Variants in SEMA4F observed in about 807,000 individuals in gnomAD.
SEMA4F encodes ssemaphorin 4F, also known as semaphorin-4F.
Under a neutral mutation model 78.4 loss-of-function variants are expected in SEMA4F, and 51 were observed. That is an observed-to-expected ratio of 0.65 (90% CI 0.52 to 0.82). The LOEUF is 0.82. Ranked by LOEUF, SEMA4F falls within the 40% of genes least tolerant of loss-of-function variation. The probability of loss-of-function intolerance (pLI) is 0.00; values close to 1 mark genes in which losing one functional copy is unlikely to be tolerated. For synonymous variants in SEMA4F, 418 were observed against 408.7 expected (o/e 1.02, Z -0.27); for missense variants, 938 against 1,014.4 (o/e 0.92, Z 1.02).
chr2:74,702,560 G>C, the SEMA4F span, among the ~76,000 whole-genome samples: 1 of 152,268 alleles, frequency 6.6e-6, no homozygotes, highest in Admixed American at 6.5e-5. Context: ...ATTAGGGCCT[G>C]AGGACTGCAA....
Position 74,675,650 on chromosome 2 carries a change from T to G in SEMA4F, c.1482+16T>G, listed in dbSNP as rs1685236349. ...ATTGTACCACGTGAGTTGTAGATTTTGGAGAGTCTATTGGGGAGACATCTG... is the reference window on the plus strand; with the variant it reads ...ATTGTACCACGTGAGTTGTAGATTTGGGAGAGTCTATTGGGGAGACATCTG... On this transcript the variant is annotated intron_variant, in intron 11 of 13. Transcript: ENST00000357877. 1 of 1,613,658 alleles carries G rather than the reference T, an allele frequency of 6.2e-7. No individual in the cohort carries two copies. The highest frequency in any genetic ancestry group is 1.3e-5 in the African/African-American group (1 of 75,032).
At chr2:74,662,935 A>G in intron 5 of SEMA4F, 110 bp downstream of exon 5, 3 of 995,428 alleles carry the variant, frequency 3.0e-6, no homozygotes, top group South Asian at 2.7e-5. Flanking sequence ...TATTATTCTC[A>G]TGTCTCTTTT....
chr2:74,677,048 C>A (rs1357930295), intron 12 of SEMA4F, among the ~76,000 whole-genome samples: 1 of 151,968 alleles, frequency 6.6e-6, no homozygotes, highest in African/African-American at 2.4e-5. Flanking sequence ...ATTACAGGTG[C>A]CCGCCACCAT....
chr2:74,656,711 C>G (rs762514124), intron 2 of SEMA4F, 26 bp downstream of exon 2: 25 of 1,611,640 alleles, frequency 1.6e-5, no homozygotes, highest in Non-Finnish European at 2.0e-5. Flanking sequence ...GGGAAGGACC[C>G]CTGACCCTGT....
At chr2:74,691,809 TG>T in the SEMA4F span, among the ~76,000 whole-genome samples, 1 of 152,234 alleles carries the variant, frequency 6.6e-6, no homozygotes, top group African/African-American at 2.4e-5. Context: ...GATAGGAAGC[TG>T]GTTCTGGATA....
downstream of SEMA4F, among the ~76,000 whole-genome samples, chr2:74,685,319 C>T (rs765730148): frequency 4.6e-5 from 7 of 152,068 alleles, no homozygotes; most frequent in Non-Finnish European, 7.4e-5. Flanking sequence ...CCCAGGATTG[C>T]AAGAAGGGCC....
rs74478364 is a variant in SEMA4F, at chr2:74,660,693, C to G, written c.457-2039C>G. ...ATTTTGACCATGCAATAATCATAAC[C>G]TATCTAGTTAATAGGAGGCTCACCT... On this transcript the variant is annotated intron_variant, in intron 4 of 13. Transcript: ENST00000357877. Among the ~76,000 whole-genome samples the G allele has an allele frequency of 8.1e-3, 1,230 of 152,332 alleles. 24 individuals are homozygous for G. The highest frequency in any genetic ancestry group is 0.028 in the African/African-American group (1,147 of 41,580).
At chr2:74,700,539 A>G in the SEMA4F span, among the ~76,000 whole-genome samples, 1 of 151,992 alleles carries the variant, frequency 6.6e-6, no homozygotes, top group African/African-American at 2.4e-5. Context: ...TGTTGTCCAA[A>G]CTCTTCTCTT....
the SEMA4F span, among the ~76,000 whole-genome samples, chr2:74,705,590 G>T: frequency 6.6e-6 from 1 of 152,200 alleles, no homozygotes; most frequent in Non-Finnish European, 1.5e-5. Context: ...TAGAAACAGG[G>T]TCTTGCTCTA....
the SEMA4F span, among the ~76,000 whole-genome samples, chr2:74,697,515 T>C: frequency 2.0e-5 from 3 of 152,278 alleles, no homozygotes; most frequent in Admixed American, 1.3e-4. Flanking sequence ...AGGGAAGAGA[T>C]AGCACCCTCT....
chr2:74,695,291 ATCC>A, the SEMA4F span, among the ~76,000 whole-genome samples: 1 of 152,108 alleles, frequency 6.6e-6, no homozygotes, highest in South Asian at 2.1e-4. Flanking sequence ...GAGCTCCTCT[ATCC>A]TCCTTGAACC....
At chr2:74,700,460 C>A in the SEMA4F span, among the ~76,000 whole-genome samples, 1 of 152,140 alleles carries the variant, frequency 6.6e-6, no homozygotes, top group Non-Finnish European at 1.5e-5. Flanking sequence ...TTGGATCCAA[C>A]CATTGGCCTG....
chr2:74,674,852 C>T lies in SEMA4F; in HGVS notation c.1002-36C>T, dbSNP rs569056129. On this transcript the variant is annotated intron_variant, in intron 8 of 13. Coordinates refer to ENST00000357877, the MANE Select transcript of SEMA4F (RefSeq NM_004263.5). Reference sequence around the variant, plus strand: ...AGGGATGAGTTGCTATCCCCCAGACCCCTCCATATATCCAGCTCCAACCTG... The same window carrying T: ...AGGGATGAGTTGCTATCCCCCAGACTCCTCCATATATCCAGCTCCAACCTG... 5.7e-5 allele frequency: 92 copies of T among 1,608,462 alleles called. No homozygotes were observed. In the South Asian group the frequency reaches 7.7e-4, roughly 13 times the overall value.
chr2:74,687,610 G>A (rs926078937), downstream of SEMA4F, among the ~76,000 whole-genome samples: 25 of 152,216 alleles, frequency 1.6e-4, no homozygotes, highest in African/African-American at 5.5e-4. Context: ...AAAGAACGCA[G>A]GTCCTGCTGA....
chr2:74,686,005 A>G (rs1434909807), downstream of SEMA4F, among the ~76,000 whole-genome samples: 3 of 152,230 alleles, frequency 2.0e-5, no homozygotes, highest in Admixed American at 6.5e-5. Context: ...CAAAACCACA[A>G]TGAGATACCA....
chr2:74,657,629 GT>G lies in SEMA4F; in HGVS notation c.357+6del. The G allele has an allele frequency of 6.2e-7, 1 of 1,614,008 alleles. No individual in the cohort carries two copies. Among genetic ancestry groups the G allele is most frequent in the Non-Finnish European group, 8.5e-7 (1 of 1,179,864 alleles). On this transcript the variant is annotated splice_donor_region_variant and intron_variant, in intron 3 of 13. Coordinates refer to ENST00000357877, the MANE Select transcript of SEMA4F (RefSeq NM_004263.5). Reference sequence around the variant, plus strand: ...AGGAAGAAAGGCAAGAAAGAGGTAGGTGTAAATCTGAGCCCTGTCTTGAGTG... The same window carrying G: ...AGGAAGAAAGGCAAGAAAGAGGTAGGGTAAATCTGAGCCCTGTCTTGAGTG...
the SEMA4F span, among the ~76,000 whole-genome samples, chr2:74,708,120 C>G: frequency 6.6e-6 from 1 of 151,860 alleles, no homozygotes; most frequent in African/African-American, 2.4e-5. Flanking sequence ...CTGAGCACTT[C>G]TCAGCACCCT....
chr2:74,654,366 C>A lies in SEMA4F; in HGVS notation c.-11C>A, dbSNP rs754704945. 1 of 1,486,220 alleles carries A rather than the reference C, an allele frequency of 6.7e-7. No homozygotes were observed. The highest frequency in any genetic ancestry group is 8.9e-7 in the Non-Finnish European group (1 of 1,125,850). 92.1% of individuals were successfully genotyped at this position (1,486,220 alleles called of 1,614,324 possible). ...AGCTTGCGCCGCACCCGCGGCCAGG[C>A]GGAGCCAAAGATGCCGGCCTCTGCT... On this transcript the variant is annotated 5_prime_UTR_variant, in exon 1 of 14. Coordinates refer to ENST00000357877, the MANE Select transcript of SEMA4F (RefSeq NM_004263.5).
At chr2:74,657,645 T>G in intron 3 of SEMA4F, 21 bp downstream of exon 3, 1 of 1,612,206 alleles carries the variant, frequency 6.2e-7, no homozygotes, top group Non-Finnish European at 8.5e-7. Context: ...ATCTGAGCCC[T>G]GTCTTGAGTG....
Sources: allele counts gnomAD v4.1 joint callset (sites outside exome capture counted in the v4.1 genomes callset), GRCh38; gene constraint gnomAD v4.1.1; transcripts MANE v1.5; gene names NCBI Gene and HGNC (gene_info 2026-07-23, HGNC 2026-07-21).